Variants in ZIM3 observed in about 807,000 individuals in gnomAD.
The protein encoded by ZIM3 is zinc finger protein 657.
In ZIM3, 11 loss-of-function variants were observed where a neutral mutation model predicts 12.9. The observed-to-expected ratio is 0.85, with a 90% CI of 0.54 to 1.41. ZIM3 has a LOEUF of 1.41. ZIM3 is among the 40% of genes most tolerant of loss of function. ZIM3 has a pLI of 0.00. For missense variants in ZIM3, 604 were observed against 557.2 expected, an observed-to-expected ratio of 1.08 and a Z score of -0.85; for synonymous variants, 205 against 198.5, an observed-to-expected ratio of 1.03 and a Z score of -0.28.
chr19:57,142,141 G>GTTTT (rs2086916383), intron 2 of ZIM3, among the ~76,000 whole-genome samples: 1 of 106,534 alleles, frequency 9.4e-6, no homozygotes, highest in African/African-American at 4.1e-5. Flanking sequence ...CCGTAACCAA[G>GTTTT]CTTTTTTTTT....
rs141258991 is a variant in ZIM3 at position 57,135,582 on chromosome 19, T to C, written c.755A>G (p.Gln252Arg). 6.2e-4 allele frequency: 1,002 copies of C among 1,614,056 alleles called. 6 individuals are homozygous for C. The African/African-American group carries it at 0.012, about 19-fold the overall frequency. ...AAAGGCTTTTCCACATGTCTTACAC[T>C]GATAGGGTTTCTCTTTAGTATGCAT... The part of the protein sequence containing the change: ...QKMHTKEKPY[Q>R]CKTCGKAFSW... Residue 252 changes from glutamine (Q) to arginine (R), a missense_variant, in exon 5 of 5, where the codon CAG becomes CGG. Coordinates refer to ENST00000269834, the MANE Select transcript of ZIM3 (RefSeq NM_052882.1).
intron 4 of ZIM3, 81 bp from the exon 5 acceptor site, chr19:57,136,176 G>A: frequency 7.6e-7 from 1 of 1,311,080 alleles, no homozygotes; most frequent in Non-Finnish European, 1.1e-6. Flanking sequence ...ACAATCTATT[G>A]TGGTGATTAT....
rs538094502 is a variant in ZIM3 at position 57,143,280 on chromosome 19, G to T, written c.-42-595C>A. 1.1e-3 allele frequency among the ~76,000 whole-genome samples: 162 copies of T among 151,164 alleles called. 2 individuals carry two copies. The highest frequency in any genetic ancestry group is 3.9e-3 in the African/African-American group (159 of 41,250). On this transcript the variant is annotated intron_variant, in intron 1 of 4. Transcript: ENST00000269834. ...CGGGAGGCGGAGCTTGCAGTGAGCCGAGATCGCGCCACCGCACTCCAGCCT... is the reference window on the plus strand; with the variant it reads ...CGGGAGGCGGAGCTTGCAGTGAGCCTAGATCGCGCCACCGCACTCCAGCCT...
rs1031472257 is a variant in ZIM3, at chr19:57,135,744, T to C, written c.593A>G (p.His198Arg). 1.9e-6 allele frequency: 3 copies of C among 1,613,966 alleles called. No homozygotes were observed. The highest frequency in any genetic ancestry group is 1.7e-5 in the Admixed American group (1 of 59,992). The change falls in exon 5 of 5, where the codon CAT becomes CGT. Residue 198 changes from histidine to arginine, a missense_variant. By Grantham distance (29) the His-to-Arg change is conservative (BLOSUM62 0). Coordinates refer to ENST00000269834, the MANE Select transcript of ZIM3 (RefSeq NM_052882.1). ...CTCCCCGAATGCTCTTCCACAGCTATGACATTCAAAGGGTTTTTGACAGGC... is the reference window on the plus strand; with the variant it reads ...CTCCCCGAATGCTCTTCCACAGCTACGACATTCAAAGGGTTTTTGACAGGC... ...RHACQKPFEC[H>R]SCGRAFGEKW...
chr19:57,138,793 C>A lies in ZIM3; in HGVS notation c.16-195G>T, dbSNP rs1178104332. The stretch of plus-strand genomic sequence containing the variant: ...ACCTACTCATGACACTGCCATCTTT[C>A]TCCACCCTCTAGTCCCACCAATTTT... On this transcript the variant is annotated intron_variant, in intron 2 of 4. Transcript: ENST00000269834. Among the ~76,000 whole-genome samples, 8 of 152,294 alleles carry A rather than the reference C, an allele frequency of 5.3e-5. No individual in the cohort carries two copies. The South Asian group carries it at 1.7e-3, about 32-fold the overall frequency.
chr19:57,142,283 A>T (rs1267568564), intron 2 of ZIM3, among the ~76,000 whole-genome samples: 5 of 151,618 alleles, frequency 3.3e-5, no homozygotes, highest in African/African-American at 1.2e-4. Flanking sequence ...AGCTGAGACT[A>T]CAGGTGTACG....
chr19:57,137,950 AGAAG>A (rs1198584772), intron 3 of ZIM3, among the ~76,000 whole-genome samples: 8 of 24,034 alleles, frequency 3.3e-4, no homozygotes, highest in Non-Finnish European at 3.8e-4. Context: ...AAGGAAGGAA[AGAAG>A]GAAGGAAGGA....
At position 57,136,971 on chromosome 19, in the gene ZIM3, C is replaced by T. The variant is rs1474392560; in HGVS notation, c.143G>A (p.Gly48Glu). 1.2e-6 allele frequency: 2 copies of T among 1,613,996 alleles called. No individual in the cohort carries two copies. The highest frequency in any genetic ancestry group is 1.7e-5 in the Admixed American group (1 of 59,998). ...LENYSNLVSV[G>E]QGETTKPDVI... is the part of the protein sequence containing the mutation. The stretch of plus-strand genomic sequence containing the variant: ...ATCGGGTTTGGTGGTTTCCCCTTGT[C>T]CTGTGATGGAAGATACCGCAAGGCT... The change falls in exon 4 of 5, where the codon GGA becomes GAA. Residue 48 changes from glycine (G) to glutamate (E), a missense_variant and splice_region_variant. Transcript: ENST00000269834.
In ZIM3 at chr19:57,134,884, T is replaced by C. The variant is rs2086877797; in HGVS notation, c.*34A>G. Reference sequence around the variant, plus strand: ...CTGGGGTGACAATTCCAGGCAACCATATCTTCCCATGTTTTTTTAAGTGCA... The same window carrying C: ...CTGGGGTGACAATTCCAGGCAACCACATCTTCCCATGTTTTTTTAAGTGCA... On this transcript the variant is annotated 3_prime_UTR_variant, in exon 5 of 5. Transcript: ENST00000269834. 6.4e-7 allele frequency: 1 copy of C among 1,559,196 alleles called. No individual in the cohort carries two copies. The highest frequency in any genetic ancestry group is 2.3e-5 in the East Asian group (1 of 44,398).
At position 57,135,901 on chromosome 19, in the gene ZIM3, G is replaced by A; in HGVS notation, c.436C>T (p.His146Tyr). 3.1e-6 allele frequency: 5 copies of A among 1,613,954 alleles called. No individual in the cohort carries two copies. The highest frequency in any genetic ancestry group is 1.1e-5 in the South Asian group (1 of 91,070). ...SLQHYVQNNS[H>Y]DDNGYRKLVG... ...AATTTTCTGTATCCATTATCATCGT[G>A]AGAATTATTTTGTACATAGTGTTGC... is the stretch of plus-strand genomic sequence containing the variant. Residue 146 changes from histidine (H) to tyrosine (Y), a missense_variant, in exon 5 of 5, where the codon CAC (histidine) becomes TAC (tyrosine). By Grantham distance (83) the His-to-Tyr change is moderately conservative. Transcript: ENST00000269834.
Position 57,135,451 on chromosome 19 carries a change from G to C in ZIM3, c.886C>G (p.Gln296Glu). The stretch of plus-strand genomic sequence containing the variant: ...TGTCCAGTGTGAACTTTTTTATGTT[G>C]AATGAGGGTTGAGTTCTGCCTGAAG... ...KSFRQNSTLI[Q>E]HKKVHTGQKP... Residue 296 changes from glutamine to glutamate, a missense_variant, in exon 5 of 5, where the codon CAA becomes GAA. Transcript: ENST00000269834. 1 of 1,614,086 alleles carries C rather than the reference G, an allele frequency of 6.2e-7. No homozygotes were observed. The highest frequency in any genetic ancestry group is 8.5e-7 in the Non-Finnish European group (1 of 1,180,026).
chr19:57,138,523 T>C lies in ZIM3; in HGVS notation c.91A>G (p.Asn31Asp). 6.2e-7 allele frequency: 1 copy of C among 1,613,968 alleles called. No individual in the cohort carries two copies. Residue 31 changes from asparagine to aspartate, a missense_variant, in exon 3 of 5, where the codon AAC becomes GAC. Coordinates refer to ENST00000269834, the MANE Select transcript of ZIM3 (RefSeq NM_052882.1). ...EWQRLNPEQR[N>D]LYRDVMLENY... ...TCCAGCATCACATCCCTGTACAAGT[T>C]TCTCTGTTCGGGATTCAGCCGCTGC...
At chr19:57,138,106 A>AGGAAG (rs2086897913) in intron 3 of ZIM3, among the ~76,000 whole-genome samples, 1 of 60,162 alleles carries the variant, frequency 1.7e-5, no homozygotes, top group African/African-American at 6.3e-5. Context: ...GAGGAAGGGA[A>AGGAAG]GGAGGCAGGG....
chr19:57,135,095 G>C lies in ZIM3; in HGVS notation c.1242C>G (p.Ser414Arg). ...SNLHSHQKTH[S>R]GERTYRCSEC... Reference sequence around the variant, plus strand: ...CACTACATCTATAGGTCCTCTCTCCGCTATGAGTTTTCTGATGGCTATGAA... The same window carrying C: ...CACTACATCTATAGGTCCTCTCTCCCCTATGAGTTTTCTGATGGCTATGAA... Residue 414 changes from serine (S) to arginine (R), a missense_variant, in exon 5 of 5, where the codon AGC becomes AGG. Ser to Arg is a moderately radical substitution (Grantham distance 110, BLOSUM62 -1). Transcript: ENST00000269834. 3 of 1,614,092 alleles carry C rather than the reference G, an allele frequency of 1.9e-6. No individual in the cohort carries two copies. Among genetic ancestry groups the C allele is most frequent in the Admixed American group, 3.3e-5 (2 of 60,010 alleles).
chr19:57,136,139 T>C, intron 4 of ZIM3, 44 bp from the exon 5 acceptor site: 1 of 1,511,264 alleles, frequency 6.6e-7, no homozygotes, highest in Non-Finnish European at 9.0e-7. Context: ...AACGTTCCAC[T>C]CACATGCTTG....
In ZIM3 at chr19:57,137,958, GGAAGGAAGGAAA is replaced by G. The variant is rs1184137380; in HGVS notation, c.142+502_142+513del. ...AGGAAGGAAGGAAGGAAAGAAGGAA[GGAAGGAAGGAAA>G]GAAGGAAGGAAAGAAGGAAGGAAGG... On this transcript the variant is annotated intron_variant, in intron 3 of 4. Transcript: ENST00000269834. Among the ~76,000 whole-genome samples, 8 of 56,896 alleles carry G rather than the reference GGAAGGAAGGAAA, an allele frequency of 1.4e-4. 1 individual carries two copies. The highest frequency in any genetic ancestry group is 9.9e-4 in the Admixed American group (5 of 5,054). 37.3% of individuals were successfully genotyped at this position (56,896 alleles called of 152,430 possible). A position where few individuals can be genotyped will look rare whatever the true frequency, so the allele number is the denominator to read the frequency against.
Position 57,136,035 on chromosome 19 carries a change from G to A in ZIM3, c.302C>T (p.Ala101Val), listed in dbSNP as rs745473092. Residue 101 changes from alanine (A) to valine (V), a missense_variant, in exon 5 of 5, where the codon GCA becomes GTA. Physicochemically the swap from Ala to Val is moderately conservative, Grantham distance 64. Coordinates refer to ENST00000269834, the MANE Select transcript of ZIM3 (RefSeq NM_052882.1). ...CTTATTGATTGATGGGACTTCTCTTGCGAGACTCTCTTTCACATCCTTTGG... is the reference window on the plus strand; with the variant it reads ...CTTATTGATTGATGGGACTTCTCTTACGAGACTCTCTTTCACATCCTTTGG... ...WKPKDVKESL[A>V]REVPSINKET... The A allele has an allele frequency of 1.9e-6, 3 of 1,614,046 alleles. No homozygotes were observed. The highest frequency in any genetic ancestry group is 1.7e-6 in the Non-Finnish European group (2 of 1,180,010).
chr19:57,136,653 C>A (rs2086888163), intron 4 of ZIM3, among the ~76,000 whole-genome samples: 1 of 132,388 alleles, frequency 7.6e-6, no homozygotes. Context: ...GACAGAGACT[C>A]CGTTTCCAGA....
At chr19:57,137,924 A>G (rs1294141713) in intron 3 of ZIM3, among the ~76,000 whole-genome samples, 116 of 31,038 alleles carry the variant, frequency 3.7e-3, no homozygotes, top group Non-Finnish European at 5.9e-3. Context: ...GGAAGGAAAG[A>G]AGGAAGGAAG....
Sources: allele counts gnomAD v4.1 joint callset (sites outside exome capture counted in the v4.1 genomes callset), GRCh38; gene constraint gnomAD v4.1.1; transcripts MANE v1.5; gene names NCBI Gene and HGNC (gene_info 2026-07-23, HGNC 2026-07-21).